RANBP2: variants seen among roughly 807,000 people sequenced by gnomAD.
The protein encoded by RANBP2 is E3 SUMO-protein ligase RanBP2.
A neutral mutation model predicts 303.6 loss-of-function variants in RANBP2; 57 were observed. The observed-to-expected ratio is 0.19, with a 90% CI of 0.15 to 0.23. The LOEUF is 0.23. Among genes scored for constraint, RANBP2 ranks in the 10% least tolerant of loss-of-function variants. The pLI, the probability that RANBP2 is intolerant of heterozygous loss-of-function variation, is 1.00. For missense variants in RANBP2, 3,138 were observed against 3,780.8 expected, an observed-to-expected ratio of 0.83 and a Z score of 4.46; for synonymous variants, 1,167 against 1,301.5, an observed-to-expected ratio of 0.90 and a Z score of 2.23.
chr2:109,387,307 T>C, the RANBP2 span, among the ~76,000 whole-genome samples: 1 of 152,280 alleles, frequency 6.6e-6, no homozygotes, highest in Admixed American at 6.5e-5. Context: ...GGCCGGGGGA[T>C]CCTGTTGTGT....
the RANBP2 span, among the ~76,000 whole-genome samples, chr2:109,598,292 T>C: frequency 6.6e-6 from 1 of 151,966 alleles, no homozygotes; most frequent in Non-Finnish European, 1.5e-5. Context: ...AGTCTCGAAC[T>C]CCCAACCTCA....
At chr2:109,188,557 A>G in the RANBP2 span, among the ~76,000 whole-genome samples, 2 of 152,156 alleles carry the variant, frequency 1.3e-5, no homozygotes, top group Non-Finnish European at 2.9e-5. Flanking sequence ...CGTCATTGTG[A>G]CTGCATCCCT....
chr2:109,707,457 A>G, the RANBP2 span, among the ~76,000 whole-genome samples: 1 of 152,182 alleles, frequency 6.6e-6, no homozygotes, highest in African/African-American at 2.4e-5. Flanking sequence ...CCCTGATTAT[A>G]CCCTTAGCCA....
chr2:109,663,513 T>C, the RANBP2 span, among the ~76,000 whole-genome samples: 104 of 152,314 alleles, frequency 6.8e-4, 2 homozygotes, highest in South Asian at 0.01. Flanking sequence ...CAATGTTGAG[T>C]TGTGCTCTTG....
the RANBP2 span, among the ~76,000 whole-genome samples, chr2:109,452,863 G>A: frequency 6.6e-6 from 1 of 150,496 alleles, no homozygotes; most frequent in Non-Finnish European, 1.5e-5. Context: ...GCTGGTCCCG[G>A]GAGGCTGGTG....
the RANBP2 span, among the ~76,000 whole-genome samples, chr2:109,380,220 T>G: frequency 6.6e-6 from 1 of 151,794 alleles, no homozygotes; most frequent in Admixed American, 6.5e-5. Context: ...GATTTCTCTC[T>G]TCTTAAGTCT....
At chr2:108,825,055 G>T in the RANBP2 span, among the ~76,000 whole-genome samples, 1 of 152,156 alleles carries the variant, frequency 6.6e-6, no homozygotes, top group African/African-American at 2.4e-5. Context: ...AAGTATTCCT[G>T]CCAGAAAACA....
the RANBP2 span, among the ~76,000 whole-genome samples, chr2:109,493,156 CAT>C: frequency 7.3e-6 from 1 of 136,340 alleles, no homozygotes; most frequent in Non-Finnish European, 1.6e-5. Flanking sequence ...ATACAAAACA[CAT>C]ACACCACACA....
At chr2:108,719,860 A>C (rs879764488) in intron 1 of RANBP2, among the ~76,000 whole-genome samples, 182 bp downstream of exon 1, 39 of 152,014 alleles carry the variant, frequency 2.6e-4, no homozygotes, top group South Asian at 1.0e-3. Flanking sequence ...CTGGGGGGAC[A>C]GCGGTGGGCG....
chr2:108,746,415 G>T (rs925381825), intron 7 of RANBP2, among the ~76,000 whole-genome samples: 8 of 147,844 alleles, frequency 5.4e-5, no homozygotes, highest in African/African-American at 7.6e-5. Context: ...TAGAGACTGG[G>T]TTTCACCATG....
the RANBP2 span, among the ~76,000 whole-genome samples, chr2:109,046,227 C>T: frequency 1.3e-5 from 2 of 150,510 alleles, no homozygotes; most frequent in African/African-American, 4.9e-5. Context: ...TTGCTTGAAC[C>T]CGGGAGGCGA....
the RANBP2 span, among the ~76,000 whole-genome samples, chr2:109,682,881 G>A: frequency 6.6e-6 from 1 of 152,118 alleles, no homozygotes; most frequent in Non-Finnish European, 1.5e-5. Context: ...CCGCTCCCTG[G>A]CCCTGACTTT....
intron 8 of RANBP2, 137 bp from the exon 9 acceptor site, chr2:108,748,783 C>T (rs1675598030): frequency 6.6e-7 from 1 of 1,524,342 alleles, no homozygotes; most frequent in African/African-American, 1.4e-5. Context: ...TTTTGTTGTC[C>T]AGCTGTATTT....
At chr2:109,688,040 G>A in the RANBP2 span, among the ~76,000 whole-genome samples, 37 of 152,320 alleles carry the variant, frequency 2.4e-4, 1 homozygote, top group South Asian at 7.5e-3. Flanking sequence ...CTGGGTGGGA[G>A]AGGGTGGTAA....
At chr2:109,424,856 G>T in the RANBP2 span, among the ~76,000 whole-genome samples, 1 of 152,134 alleles carries the variant, frequency 6.6e-6, no homozygotes, top group African/African-American at 2.4e-5. Flanking sequence ...CCTCTAAGTG[G>T]TCAAGTGAAA....
the RANBP2 span, among the ~76,000 whole-genome samples, chr2:109,142,047 G>C: frequency 3.3e-5 from 5 of 151,150 alleles, no homozygotes; most frequent in South Asian, 2.1e-4. Flanking sequence ...GTCTCCTGGG[G>C]GGGGGGTCTC....
the RANBP2 span, among the ~76,000 whole-genome samples, chr2:108,840,516 C>G: frequency 6.6e-6 from 1 of 152,060 alleles, no homozygotes; most frequent in Non-Finnish European, 1.5e-5. Flanking sequence ...AGTTACAGGG[C>G]TGTTCTAGTT....
chr2:109,078,096 A>ATATATATATATATATATATAGCGTG, the RANBP2 span, among the ~76,000 whole-genome samples: 3 of 54,634 alleles, frequency 5.5e-5, no homozygotes, highest in South Asian at 8.9e-4. Context: ...ATATATATAT[A>ATATATATATATATATATATAGCGTG]TATATATATA....
chr2:109,393,495 G>A, the RANBP2 span, among the ~76,000 whole-genome samples: 1 of 152,206 alleles, frequency 6.6e-6, no homozygotes, highest in African/African-American at 2.4e-5. Flanking sequence ...AACTCTTTCA[G>A]AGCAGGTCTT....
Sources: gnomAD v4.1 joint callset for allele counts (sites outside exome capture counted in the v4.1 genomes callset) on GRCh38, gnomAD v4.1.1 for gene constraint, MANE v1.5 for transcripts, NCBI Gene and HGNC (gene_info 2026-07-23, HGNC 2026-07-21) for gene names.